The following FMN2 variants were observed in gnomAD, a reference collection of about 807,000 sequenced individuals.
FMN2 encodes the protein formin-2.
FMN2 carries 51 observed loss-of-function variants against 142.3 expected under a neutral mutation model. That is an observed-to-expected ratio of 0.36 (90% CI 0.29 to 0.45). The LOEUF is 0.45. Ranked by LOEUF, FMN2 falls within the 20% of genes least tolerant of loss-of-function variation. FMN2 has a pLI of 1.00. For synonymous variants in FMN2, 882 were observed against 869.8 expected (o/e 1.01, Z -0.25); for missense variants, 1,936 against 2,122.8 (o/e 0.91, Z 1.73).
chr1:240,231,317 C>T lies in FMN2; in HGVS notation c.4065+20082C>T, dbSNP rs61829167. Among the ~76,000 whole-genome samples, 58 of 132,018 alleles carry T rather than the reference C, an allele frequency of 4.4e-4. 14 individuals carry two copies. The highest frequency in any genetic ancestry group is 6.0e-4 in the Non-Finnish European group (38 of 62,902). 86.6% of individuals were successfully genotyped at this position (132,018 alleles called of 152,430 possible). ...TTTTAAAATGATTGAAAATGTATTTCGCTATGTTTCTACCAATGTGAACAA... is the reference window on the plus strand; with the variant it reads ...TTTTAAAATGATTGAAAATGTATTTTGCTATGTTTCTACCAATGTGAACAA... On this transcript the variant is annotated intron_variant, in intron 6 of 17. Transcript: ENST00000319653.
At chr1:240,335,754 C>T (rs1671533452) in intron 13 of FMN2, among the ~76,000 whole-genome samples, 1 of 152,118 alleles carries the variant, frequency 6.6e-6, no homozygotes, top group Non-Finnish European at 1.5e-5. Context: ...TTACTATAGG[C>T]ATTAAACATA....
In FMN2 at chr1:240,352,080, A is replaced by G. The variant is rs187198348; in HGVS notation, c.4766-3736A>G. Among the ~76,000 whole-genome samples, 118 of 151,884 alleles carry G rather than the reference A, an allele frequency of 7.8e-4. 1 individual carries two copies. In the East Asian group the frequency reaches 0.021, roughly 27 times the overall value. On this transcript the variant is annotated intron_variant, in intron 13 of 17. Transcript: ENST00000319653. ...CAAATCAGTCAAGGTGAGAGATTAG[A>G]TTTTTTTTTCCCTGCTAGCCTACGT... is the stretch of plus-strand genomic sequence containing the variant.
chr1:240,212,666 C>G (rs1192786183), intron 6 of FMN2, among the ~76,000 whole-genome samples: 5 of 152,160 alleles, frequency 3.3e-5, no homozygotes, highest in Non-Finnish European at 7.3e-5. Context: ...CATATTTTCT[C>G]TGGCAGAGAT....
intron 8 of FMN2, among the ~76,000 whole-genome samples, chr1:240,325,229 A>G (rs1414552332): frequency 5.3e-5 from 8 of 151,264 alleles, no homozygotes; most frequent in Admixed American, 6.6e-5. Context: ...GGTAGTCCCA[A>G]CTTCTTGAGA....
chr1:240,474,208 G>C lies in FMN2; in HGVS notation c.*54G>C. ...ATTGCAACGACTTTCACAAAATTCA[G>C]CTGACCTGAGAGTGGGAGGGAAACT... On this transcript the variant is annotated 3_prime_UTR_variant, in exon 18 of 18. Coordinates refer to ENST00000319653, the MANE Select transcript of FMN2 (RefSeq NM_020066.5). 1.3e-6 allele frequency: 2 copies of C among 1,495,224 alleles called. No homozygotes were observed. Among genetic ancestry groups the C allele is most frequent in the Middle Eastern group, 1.7e-4 (1 of 5,758 alleles). The allele number at this position is 1,495,224 out of a possible 1,614,324, so 92.6% of individuals were successfully genotyped here. A position where few individuals can be genotyped will look rare whatever the true frequency, so the allele number is the denominator to read the frequency against.
At chr1:240,273,729 C>A (rs1185476232) in intron 7 of FMN2, among the ~76,000 whole-genome samples, 2 of 151,986 alleles carry the variant, frequency 1.3e-5, no homozygotes, top group African/African-American at 4.8e-5. Flanking sequence ...TGCTTTATTC[C>A]TTCTATTATT....
At chr1:240,406,697 G>A (rs548178907) in intron 15 of FMN2, among the ~76,000 whole-genome samples, 23 of 152,266 alleles carry the variant, frequency 1.5e-4, no homozygotes, top group African/African-American at 5.3e-4. Context: ...CTTCATGGGT[G>A]TTAATGCAAA....
chr1:240,148,729 C>T lies in FMN2; in HGVS notation c.1782+25384C>T, dbSNP rs564624900. 8.1e-4 allele frequency among the ~76,000 whole-genome samples: 124 copies of T among 152,160 alleles called. No individual in the cohort carries two copies. The Middle Eastern group carries it at 0.01, about 13-fold the overall frequency. On this transcript the variant is annotated intron_variant, in intron 2 of 17. Transcript: ENST00000319653. ...GGTGCAGTGGCTCGCGCCTGTAATC[C>T]CAGCACTTTGGGAGGCCGAGGCGGG... is the stretch of plus-strand genomic sequence containing the variant.
chr1:240,218,551 C>T (rs1022496166), intron 6 of FMN2, among the ~76,000 whole-genome samples: 2 of 135,572 alleles, frequency 1.5e-5, no homozygotes, highest in East Asian at 2.1e-4. Context: ...AGTGAGACCC[C>T]ATCTCATCTC....
At chr1:240,364,755 A>G (rs762806814) in intron 14 of FMN2, among the ~76,000 whole-genome samples, 1 of 152,146 alleles carries the variant, frequency 6.6e-6, no homozygotes, top group Non-Finnish European at 1.5e-5. Context: ...AAATATCTCC[A>G]TAATGTGTTC....
intron 2 of FMN2, 89 bp downstream of exon 2, chr1:240,123,434 T>C (rs1662366809): frequency 7.5e-7 from 1 of 1,341,788 alleles, no homozygotes; most frequent in South Asian, 1.6e-5. Flanking sequence ...ACCCTATAAT[T>C]TAAAAACAAC....
intron 8 of FMN2, among the ~76,000 whole-genome samples, chr1:240,327,919 G>C (rs971474734): frequency 6.6e-6 from 1 of 151,916 alleles, no homozygotes; most frequent in Non-Finnish European, 1.5e-5. Context: ...GGCCGAGATG[G>C]GTGGATCACC....
chr1:240,444,159 G>C (rs895866374), intron 16 of FMN2, among the ~76,000 whole-genome samples: 2 of 152,180 alleles, frequency 1.3e-5, no homozygotes, highest in Non-Finnish European at 2.9e-5. Flanking sequence ...AGCTACCTGT[G>C]ATTATTCACT....
At chr1:240,205,493 G>T (rs1208501465) in intron 4 of FMN2, among the ~76,000 whole-genome samples, 4 of 118,464 alleles carry the variant, frequency 3.4e-5, no homozygotes, top group Non-Finnish European at 4.8e-5. Flanking sequence ...ACGGAGTCTC[G>T]CTCTGTCACC....
intron 4 of FMN2, among the ~76,000 whole-genome samples, chr1:240,204,611 C>T (rs12079881): frequency 0.24 from 35,957 of 152,060 alleles, 4,459 homozygotes; most frequent in Middle Eastern, 0.39. Flanking sequence ...ATTAGCCGGG[C>T]GTGGTGGCAC....
chr1:240,207,014 G>T lies in FMN2; in HGVS notation c.2202G>T (p.Arg734=). Residue 734 remains arginine, a synonymous_variant, in exon 5 of 18, where the codon CGG becomes CGT. Transcript: ENST00000319653. ...EALRLEEKEV[R]HHRILEAKSI... ...TCAGGTTAGAAGAAAAGGAAGTACG[G>T]CATCATAGGATTTTAGAGGCGAAAT... 6.2e-7 allele frequency: 1 copy of T among 1,614,162 alleles called. No homozygotes were observed. The highest frequency in any genetic ancestry group is 8.5e-7 in the Non-Finnish European group (1 of 1,180,008).
chr1:240,424,468 A>T (rs1302001935), intron 15 of FMN2, among the ~76,000 whole-genome samples: 1 of 152,152 alleles, frequency 6.6e-6, no homozygotes, highest in Non-Finnish European at 1.5e-5. Context: ...AAATGCCATG[A>T]GTTATCTCAT....
At chr1:240,295,027 C>A in intron 8 of FMN2, 144 bp downstream of exon 8, 1 of 608,452 alleles carries the variant, frequency 1.6e-6, no homozygotes, top group Non-Finnish European at 2.7e-6. Flanking sequence ...GTGTTTGTTA[C>A]AATACTTTCT....
intron 7 of FMN2, among the ~76,000 whole-genome samples, chr1:240,289,693 A>C (rs1306812894): frequency 6.6e-6 from 1 of 151,648 alleles, no homozygotes; most frequent in African/African-American, 2.4e-5. Flanking sequence ...GTCTCTCTCT[A>C]AAAAAAAGGG....
Sources: allele counts gnomAD v4.1 joint callset (sites outside exome capture counted in the v4.1 genomes callset), GRCh38; gene constraint gnomAD v4.1.1; transcripts MANE v1.5; gene names NCBI Gene and HGNC (gene_info 2026-07-23, HGNC 2026-07-21).